The following ZBTB34 variants were observed in gnomAD, a reference collection of about 807,000 sequenced individuals.
ZBTB34 encodes zinc finger and BTB domain-containing protein 34.
ZBTB34 carries 1 observed loss-of-function variant against 33.4 expected under a neutral mutation model. The ratio of observed to expected loss-of-function variants is 0.03; its 90% CI spans 0.01 to 0.14. The LOEUF (loss-of-function observed/expected upper bound fraction) is 0.14. Ranked by LOEUF, ZBTB34 falls within the 10% of genes least tolerant of loss-of-function variation. ZBTB34 has a pLI of 1.00. For synonymous variants in ZBTB34, 283 were observed against 253.5 expected, an observed-to-expected ratio of 1.12 and a Z score of -1.11; for missense variants, 406 against 657.2, an observed-to-expected ratio of 0.62 and a Z score of 4.18.
rs201220574 is a variant in ZBTB34, at chr9:126,877,166, TTTGTTG to T, written c.-10-2212_-10-2207del. 2.0e-5 allele frequency among the ~76,000 whole-genome samples: 3 copies of T among 152,330 alleles called. No homozygotes were observed. In the East Asian group the frequency reaches 5.8e-4, roughly 29 times the overall value. ...GCACTGACTTTTCCTGTTACAGCTTTTTGTTGTTGTTGTTGTTTTTCGAAACTCCCA... is the reference window on the plus strand; with the variant it reads ...GCACTGACTTTTCCTGTTACAGCTTTTTGTTGTTGTTTTTCGAAACTCCCA... On this transcript the variant is annotated intron_variant, in intron 1 of 1. Coordinates refer to ENST00000319119, the Ensembl canonical transcript of ZBTB34.
intron 1 of ZBTB34, among the ~76,000 whole-genome samples, chr9:126,871,592 A>G (rs2033280451): frequency 1.3e-5 from 2 of 151,956 alleles, no homozygotes; most frequent in Admixed American, 1.3e-4. Context: ...GGCCTCCCAA[A>G]GTGCTGAGAT....
At chr9:126,871,189 G>T (rs1294352662) in intron 1 of ZBTB34, among the ~76,000 whole-genome samples, 1 of 145,282 alleles carries the variant, frequency 6.9e-6, no homozygotes, top group Non-Finnish European at 1.5e-5. Context: ...GGGGGTGTGT[G>T]TGTGTGTGTG....
intron 1 of ZBTB34, among the ~76,000 whole-genome samples, chr9:126,865,639 G>T (rs10760462): frequency 0.98 from 149,108 of 152,294 alleles, 72,992 homozygotes; most frequent in East Asian, 1. Flanking sequence ...TTCCATTGTT[G>T]CATTTCCTCA....
At chr9:126,867,235 C>T (rs1432250168) in intron 1 of ZBTB34, among the ~76,000 whole-genome samples, 6 of 151,586 alleles carry the variant, frequency 4.0e-5, no homozygotes, top group East Asian at 3.9e-4. Context: ...AATTCCTCCC[C>T]GTTACTTGTG....
At chr9:126,868,555 C>T (rs1409936429) in intron 1 of ZBTB34, among the ~76,000 whole-genome samples, 6 of 152,208 alleles carry the variant, frequency 3.9e-5, no homozygotes, top group African/African-American at 9.7e-5. Flanking sequence ...GTGTTCATTT[C>T]TCCCAAAGCT....
intron 1 of ZBTB34, among the ~76,000 whole-genome samples, chr9:126,871,266 G>C (rs1276304450): frequency 6.6e-6 from 1 of 151,760 alleles, no homozygotes; most frequent in African/African-American, 2.4e-5. Flanking sequence ...TATCAACTGG[G>C]AACTGGTTAA....
chr9:126,876,945 G>A (rs755041105), intron 1 of ZBTB34, among the ~76,000 whole-genome samples: 4 of 152,148 alleles, frequency 2.6e-5, no homozygotes, highest in Non-Finnish European at 4.4e-5. Context: ...ATCCTTTCCT[G>A]TGAGAGCCTT....
intron 1 of ZBTB34, among the ~76,000 whole-genome samples, chr9:126,876,629 C>G (rs1036378058): frequency 2.6e-5 from 4 of 152,120 alleles, no homozygotes; most frequent in African/African-American, 9.7e-5. Context: ...CTTCTTTCTG[C>G]TATTTGTCAT....
chr9:126,868,062 C>G (rs569951040), intron 1 of ZBTB34, among the ~76,000 whole-genome samples: 46 of 152,158 alleles, frequency 3.0e-4, no homozygotes, highest in Non-Finnish European at 5.6e-4. Context: ...GGTTTCTGTT[C>G]ACCCTTCTCA....
intron 1 of ZBTB34, among the ~76,000 whole-genome samples, chr9:126,872,301 A>G (rs1399797213): frequency 1.3e-5 from 2 of 152,154 alleles, no homozygotes; most frequent in South Asian, 2.1e-4. Context: ...CCTATAGTCT[A>G]TAGGGAGCTA....
chr9:126,878,401 C>T (rs548134257), intron 1 of ZBTB34, among the ~76,000 whole-genome samples: 73 of 151,384 alleles, frequency 4.8e-4, no homozygotes, highest in African/African-American at 1.6e-3. Context: ...ACCTAGGAGG[C>T]GGAGGTTTCA....
At chr9:126,872,419 A>C (rs1424762339) in intron 1 of ZBTB34, among the ~76,000 whole-genome samples, 1 of 152,310 alleles carries the variant, frequency 6.6e-6, no homozygotes, top group Admixed American at 6.5e-5. Flanking sequence ...GTCTCTAAGA[A>C]AATGTAATTC....
At chr9:126,883,546 T>C (rs2033474755) in exon 2 of ZBTB34, 1 of 167,122 alleles carries the variant, frequency 6.0e-6, no homozygotes, top group Non-Finnish European at 1.5e-5. Flanking sequence ...TTGCTTTGAT[T>C]GTACAGTTCA....
chr9:126,862,915 CT>C (rs11363063), intron 1 of ZBTB34, among the ~76,000 whole-genome samples: 134,548 of 144,756 alleles, frequency 0.93, 62,527 homozygotes, highest in Admixed American at 0.95. Context: ...TGTAATTTGC[CT>C]TTTTTTTTTT....
Position 126,880,179 on chromosome 9 carries a change from G to C in ZBTB34, c.780G>C (p.Gly260=). 4 of 1,613,874 alleles carry C rather than the reference G, an allele frequency of 2.5e-6. No individual in the cohort carries two copies. Among genetic ancestry groups the C allele is most frequent in the Non-Finnish European group, 3.4e-6 (4 of 1,179,896 alleles). The change falls in exon 2 of 2, where the codon GGG becomes GGC. Residue 260 remains glycine, a synonymous_variant. Transcript: ENST00000319119. The surrounding 1 kb of genome is among the most constrained non-coding windows in gnomAD (Gnocchi z 6.7). ...ACAGCTCCTCCCTGGGTGACGATGGGTACCACACCGAGATGGTTGATGGGG... is the reference window on the plus strand; with the variant it reads ...ACAGCTCCTCCCTGGGTGACGATGGCTACCACACCGAGATGGTTGATGGGG...
rs752785679 is a variant in ZBTB34 at position 126,879,504 on chromosome 9, A to G, written c.105A>G (p.Leu35=). 1.9e-5 allele frequency: 30 copies of G among 1,613,802 alleles called. No homozygotes were observed. Among genetic ancestry groups the G allele is most frequent in the Non-Finnish European group, 2.3e-5 (27 of 1,179,900 alleles). ...ACGAACTCCGCCTGCAGGGGAAACT[A>G]TGTGACATCATTGTACACATTCAGG... Residue 35 remains leucine (L), a synonymous_variant, in exon 2 of 2, where the codon CTA becomes CTG. Coordinates refer to ENST00000319119, the Ensembl canonical transcript of ZBTB34. This position sits in a 1 kb window ranked among gnomAD's most constrained non-coding sequence, Gnocchi z 6.4.
rs915751989 is a variant in ZBTB34 at position 126,879,772 on chromosome 9, A to G, written c.373A>G (p.Ile125Val). 3 of 1,613,360 alleles carry G rather than the reference A, an allele frequency of 1.9e-6. No individual in the cohort carries two copies. Among genetic ancestry groups the G allele is most frequent in the Non-Finnish European group, 2.5e-6 (3 of 1,179,908 alleles). Residue 125 changes from isoleucine (I) to valine (V), a missense_variant, in exon 2 of 2, where the codon ATC (isoleucine) becomes GTC (valine). Around this residue, in one of 6 missense-constraint regions of ZBTB34, gnomAD observed 50 missense variants for 157.9 expected, o/e 0.32. Transcript: ENST00000319119. This position sits in a 1 kb window ranked among gnomAD's most constrained non-coding sequence, Gnocchi z 6.4. ...GTGTGTCATTGACAAGTGCACGCAG[A>G]TCCTAGAGAGCATCCATTCCAAAAT...
At chr9:126,863,766 G>C (rs2033168965) in intron 1 of ZBTB34, 1 of 962,678 alleles carries the variant, frequency 1.0e-6, no homozygotes, top group African/African-American at 1.8e-5. Flanking sequence ...GTATTTTCCA[G>C]GGCCAGTGCC....
intron 1 of ZBTB34, among the ~76,000 whole-genome samples, chr9:126,870,321 T>A (rs2033260902): frequency 6.6e-6 from 1 of 152,262 alleles, no homozygotes; most frequent in Non-Finnish European, 1.5e-5. Context: ...TCTATCAAAC[T>A]GCAAGACTGG....
Sources: gnomAD v4.1 joint callset for allele counts (sites outside exome capture counted in the v4.1 genomes callset) on GRCh38, gnomAD v4.1.1 for gene constraint, gnomAD v4.1.1 regional missense constraint, Gnocchi (gnomAD v3.1) non-coding constraint, MANE v1.5 for transcripts, NCBI Gene and HGNC (gene_info 2026-07-23, HGNC 2026-07-21) for gene names.